RBFOX1: variants seen among roughly 807,000 people sequenced by gnomAD.
RBFOX1 encodes RNA binding fox-1 homolog 1, also known as RNA binding protein fox-1 homolog 1.
RBFOX1 carries 8 observed loss-of-function variants against 57.7 expected under a neutral mutation model. That is an observed-to-expected ratio of 0.14 (90% CI 0.08 to 0.25). The LOEUF (loss-of-function observed/expected upper bound fraction) is 0.25. RBFOX1 is among the 10% of genes least tolerant of loss of function. RBFOX1 has a pLI of 1.00. For missense variants in RBFOX1, 611 were observed against 548.5 expected (o/e 1.11, Z -1.14); for synonymous variants, 326 against 222.4 (o/e 1.47, Z -4.15).
At chr16:6,792,321 C>G (rs868664045) in intron 3 of RBFOX1, among the ~76,000 whole-genome samples, 4 of 152,126 alleles carry the variant, frequency 2.6e-5, no homozygotes, top group Non-Finnish European at 4.4e-5. Flanking sequence ...AGGATGATCC[C>G]TAAGGACGCT....
At chr16:6,735,140 C>A (rs1335759712) in intron 3 of RBFOX1, among the ~76,000 whole-genome samples, 1 of 152,040 alleles carries the variant, frequency 6.6e-6, no homozygotes, top group Non-Finnish European at 1.5e-5. Context: ...CAGAGTGAGA[C>A]CCTGTCTCAA....
At chr16:5,256,915 C>G (rs1408375184) in intron 1 of RBFOX1, among the ~76,000 whole-genome samples, 1 of 151,522 alleles carries the variant, frequency 6.6e-6, no homozygotes, top group East Asian at 1.9e-4. Context: ...GCCTGAGTGA[C>G]AGAGTGAGGC....
At chr16:7,226,219 C>T (rs13335458) in intron 4 of RBFOX1, among the ~76,000 whole-genome samples, 5,898 of 152,250 alleles carry the variant, frequency 0.039, 134 homozygotes, top group Middle Eastern at 0.065. Context: ...GCCAGTTACT[C>T]AAGTCAGAAG....
intron 3 of RBFOX1, among the ~76,000 whole-genome samples, chr16:6,782,937 C>T (rs2081275717): frequency 1.3e-5 from 2 of 152,016 alleles, no homozygotes; most frequent in Admixed American, 1.3e-4. Context: ...TATATATTTA[C>T]AGTTCTTATA....
intron 1 of RBFOX1, among the ~76,000 whole-genome samples, chr16:5,248,226 T>C (rs1567232558): frequency 6.6e-6 from 1 of 152,318 alleles, no homozygotes; most frequent in East Asian, 1.9e-4. Context: ...AATTAACATT[T>C]CCCCCAAGTT....
chr16:7,009,871 T>C (rs528760737), intron 3 of RBFOX1, among the ~76,000 whole-genome samples: 1 of 152,336 alleles, frequency 6.6e-6, no homozygotes, highest in African/African-American at 2.4e-5. Flanking sequence ...AAAATATTCC[T>C]GGGCTATTTT....
At chr16:6,859,772 C>A (rs190377538) in intron 3 of RBFOX1, among the ~76,000 whole-genome samples, 1 of 152,120 alleles carries the variant, frequency 6.6e-6, no homozygotes, top group Admixed American at 6.5e-5. Flanking sequence ...TATGAAGTTA[C>A]TGCTAAGGCT....
rs545518124 is a variant in RBFOX1, at chr16:6,086,049, T to A, written c.-127+66057T>A. On this transcript the variant is annotated intron_variant, in intron 1 of 15. Coordinates refer to ENST00000550418, the MANE Select transcript of RBFOX1 (RefSeq NM_018723.4). ...CCATGTCTTCTCATTGTTCAGCTAC[T>A]ACTTATGAGTGAGAACATGTGGTGT... Among the ~76,000 whole-genome samples the A allele has an allele frequency of 5.9e-5, 9 of 152,246 alleles. No homozygotes were observed. In the East Asian group the frequency reaches 1.6e-3, roughly 26 times the overall value.
At chr16:7,325,220 G>A (rs554368522) in intron 4 of RBFOX1, among the ~76,000 whole-genome samples, 2 of 152,138 alleles carry the variant, frequency 1.3e-5, no homozygotes, top group Non-Finnish European at 2.9e-5. Context: ...GCAGTATACT[G>A]TACTTATTTA....
intron 3 of RBFOX1, among the ~76,000 whole-genome samples, chr16:5,639,689 TA>T (rs1231762353): frequency 1.3e-4 from 20 of 152,300 alleles, no homozygotes; most frequent in Middle Eastern, 3.4e-3. Context: ...TGCACATGCC[TA>T]CCAGGCTGTA....
At chr16:6,000,836 G>A (rs1210033562) in intron 4 of RBFOX1, among the ~76,000 whole-genome samples, 1 of 147,304 alleles carries the variant, frequency 6.8e-6, no homozygotes, top group East Asian at 2.1e-4. Context: ...TGGATGGATG[G>A]GTGGGTAGGT....
At chr16:7,497,180 A>C (rs1163346526) in intron 4 of RBFOX1, among the ~76,000 whole-genome samples, 1 of 152,192 alleles carries the variant, frequency 6.6e-6, no homozygotes, top group Non-Finnish European at 1.5e-5. Context: ...AAACTACTTT[A>C]TGTGTCATTT....
intron 3 of RBFOX1, among the ~76,000 whole-genome samples, chr16:5,698,551 A>G (rs952096454): frequency 1.3e-5 from 2 of 151,078 alleles, no homozygotes; most frequent in East Asian, 1.9e-4. Context: ...TTGTAAAAAT[A>G]TATCTAAACA....
chr16:6,819,537 C>G (rs989523245), intron 3 of RBFOX1, among the ~76,000 whole-genome samples: 3 of 151,600 alleles, frequency 2.0e-5, no homozygotes, highest in Non-Finnish European at 4.4e-5. Context: ...AAACCCATCT[C>G]TACTAAAAAT....
At chr16:5,431,661 C>T (rs981306706) in intron 1 of RBFOX1, among the ~76,000 whole-genome samples, 41 of 152,302 alleles carry the variant, frequency 2.7e-4, no homozygotes, top group African/African-American at 9.9e-4. Context: ...GTGTGAGCCA[C>T]CGTGCCCAGC....
intron 1 of RBFOX1, among the ~76,000 whole-genome samples, chr16:6,073,500 G>T (rs528235398): frequency 9.8e-4 from 149 of 152,214 alleles, no homozygotes; most frequent in African/African-American, 3.4e-3. Context: ...ATGCTAATAG[G>T]AAAAACTGCT....
intron 2 of RBFOX1, among the ~76,000 whole-genome samples, chr16:6,380,597 A>C (rs2091711786): frequency 6.6e-6 from 1 of 151,826 alleles, no homozygotes; most frequent in African/African-American, 2.4e-5. Flanking sequence ...TCCTGGTGTG[A>C]AATAAAGAGC....
chr16:5,520,979 T>A (rs1275744403), intron 2 of RBFOX1, among the ~76,000 whole-genome samples: 1 of 152,122 alleles, frequency 6.6e-6, no homozygotes, highest in Non-Finnish European at 1.5e-5. Flanking sequence ...GTCCTTTGAG[T>A]AAGAAAAGCA....
chr16:6,735,868 T>A (rs12444062), intron 3 of RBFOX1, among the ~76,000 whole-genome samples: 1 of 152,188 alleles, frequency 6.6e-6, no homozygotes, highest in African/African-American at 2.4e-5. Context: ...AGGCCCTCCT[T>A]CTGAGACCTC....
Sources: gnomAD v4.1 joint callset for allele counts (sites outside exome capture counted in the v4.1 genomes callset) on GRCh38, gnomAD v4.1.1 for gene constraint, MANE v1.5 for transcripts, NCBI Gene and HGNC (gene_info 2026-07-23, HGNC 2026-07-21) for gene names.